SH3BP5: variants seen among roughly 807,000 people sequenced by gnomAD.
SH3BP5 encodes SH3 domain binding protein 5, also known as SH3 domain-binding protein 5.
Under a neutral mutation model 43.3 loss-of-function variants are expected in SH3BP5, and 22 were observed. The ratio of observed to expected loss-of-function variants is 0.51; its 90% CI spans 0.36 to 0.73. The LOEUF is 0.73. SH3BP5 is among the 30% of genes least tolerant of loss of function. SH3BP5 has a pLI of 0.00. For synonymous variants in SH3BP5, 255 were observed against 225.8 expected (o/e 1.13, Z -1.16); for missense variants, 529 against 586.9 (o/e 0.90, Z 1.02).
rs763185399 is a variant in SH3BP5, at chr3:15,258,858, T to C, written c.862A>G (p.Ser288Gly). 2 of 1,614,144 alleles carry C rather than the reference T, an allele frequency of 1.2e-6. No individual in the cohort carries two copies. Among genetic ancestry groups the C allele is most frequent in the Non-Finnish European group, 1.7e-6 (2 of 1,180,034 alleles). Residue 288 changes from serine to glycine, a missense_variant, in exon 7 of 9, where the codon AGC becomes GGC. Ser to Gly is a moderately conservative substitution (Grantham distance 56). Coordinates refer to ENST00000383791, the MANE Select transcript of SH3BP5 (RefSeq NM_004844.5). The stretch of plus-strand genomic sequence containing the variant: ...GAAATGGCATCAGGCTCAGGTTTGC[T>C]CCCTGGCAGATCCTCCACAGATGTG... ...SSTSVEDLPG[S>G]KPEPDAISVA...
At chr3:15,292,152 C>T (rs1291489661) in intron 3 of SH3BP5, among the ~76,000 whole-genome samples, 1 of 152,198 alleles carries the variant, frequency 6.6e-6, no homozygotes, top group Non-Finnish European at 1.5e-5. Context: ...GGGGAAGGGG[C>T]TATCCATGTC....
rs141765373 is a variant in SH3BP5, at chr3:15,306,079, G to A, written c.202-1848C>T. ...TAAAAAAAAAAGAGAAATGGCAGCC[G>A]GGCACCATGGCTCATGCCTGTAATC... On this transcript the variant is annotated intron_variant, in intron 2 of 8. Coordinates refer to ENST00000383791, the MANE Select transcript of SH3BP5 (RefSeq NM_004844.5). 7.8e-3 allele frequency among the ~76,000 whole-genome samples: 788 copies of A among 100,950 alleles called. 12 individuals are homozygous for A. The highest frequency in any genetic ancestry group is 0.03 in the African/African-American group (742 of 24,640). 66.2% of individuals were successfully genotyped at this position (100,950 alleles called of 152,430 possible). A position where few individuals can be genotyped will look rare whatever the true frequency, so the allele number is the denominator to read the frequency against.
intron 2 of SH3BP5, among the ~76,000 whole-genome samples, chr3:15,314,570 G>A (rs1436231712): frequency 1.3e-5 from 2 of 152,214 alleles, no homozygotes; most frequent in African/African-American, 4.8e-5. Flanking sequence ...CCAGGAAGAA[G>A]CAGAGGTAGA....
intron 3 of SH3BP5, among the ~76,000 whole-genome samples, chr3:15,292,489 C>T (rs368743719): frequency 2.0e-5 from 3 of 152,196 alleles, no homozygotes; most frequent in Admixed American, 6.5e-5. Flanking sequence ...CAGTCCCCCA[C>T]GCGGACTTCC....
intron 1 of SH3BP5, among the ~76,000 whole-genome samples, chr3:15,340,881 C>T (rs912891778): frequency 2.6e-5 from 4 of 151,966 alleles, no homozygotes; most frequent in Admixed American, 6.6e-5. Flanking sequence ...GGAGAAACCT[C>T]GTCTTTACTA....
chr3:15,266,217 G>C (rs929627341), intron 4 of SH3BP5, among the ~76,000 whole-genome samples: 1 of 152,182 alleles, frequency 6.6e-6, no homozygotes, highest in African/African-American at 2.4e-5. Flanking sequence ...TGCGTCCTTG[G>C]GCAATGAGAC....
Position 15,269,717 on chromosome 3 carries a change from T to C in SH3BP5, c.491A>G (p.Gln164Arg), listed in dbSNP as rs777345401. ...AWQEMLNHAT[Q>R]RVMEAEQTKT... Reference sequence around the variant, plus strand: ...ACACCCGGCCATGACTCATACCCTCTGAGTGGCGTGATTCAGCATCTCCTG... The same window carrying C: ...ACACCCGGCCATGACTCATACCCTCCGAGTGGCGTGATTCAGCATCTCCTG... Residue 164 changes from glutamine (Q) to arginine (R), a missense_variant, in exon 4 of 9, where the codon CAG becomes CGG. Gln to Arg is a conservative substitution (Grantham distance 43, BLOSUM62 1). Transcript: ENST00000383791. The C allele has an allele frequency of 5.6e-6, 9 of 1,595,072 alleles. No homozygotes were observed. Among genetic ancestry groups the C allele is most frequent in the Non-Finnish European group, 6.8e-6 (8 of 1,168,954 alleles).
chr3:15,333,646 T>G (rs1698665369), upstream of SH3BP5, among the ~76,000 whole-genome samples: 1 of 152,094 alleles, frequency 6.6e-6, no homozygotes, highest in Admixed American at 6.6e-5. Context: ...CTCAAATGAA[T>G]AAATAGTCCT....
At chr3:15,315,768 C>G (rs1304851524) in intron 2 of SH3BP5, among the ~76,000 whole-genome samples, 1 of 152,154 alleles carries the variant, frequency 6.6e-6, no homozygotes, top group Admixed American at 6.5e-5. Flanking sequence ...ATTCCATAAC[C>G]AAAGGGAAGT....
chr3:15,311,773 A>C (rs1234629708), intron 2 of SH3BP5, among the ~76,000 whole-genome samples: 1 of 152,058 alleles, frequency 6.6e-6, no homozygotes, highest in East Asian at 1.9e-4. Context: ...TCCTGGGCTC[A>C]AGCAATGCCC....
chr3:15,332,618 G>T (rs1698646026), upstream of SH3BP5: 2 of 1,184,738 alleles, frequency 1.7e-6, no homozygotes, highest in South Asian at 8.2e-5. Context: ...TTTCTGCCGC[G>T]GCAGTCAGCG....
intron 1 of SH3BP5, among the ~76,000 whole-genome samples, chr3:15,339,222 A>G (rs895942288): frequency 1.3e-5 from 2 of 152,094 alleles, no homozygotes; most frequent in African/African-American, 4.8e-5. Context: ...TTGTCTTCCA[A>G]TGTGGCCACT....
chr3:15,267,565 G>C (rs944250996), intron 4 of SH3BP5, among the ~76,000 whole-genome samples: 2 of 152,142 alleles, frequency 1.3e-5, no homozygotes, highest in African/African-American at 4.8e-5. Context: ...AAACCAAATG[G>C]GCCCTTCCCT....
upstream of SH3BP5, among the ~76,000 whole-genome samples, chr3:15,333,431 C>T (rs1009017378): frequency 3.9e-5 from 6 of 152,202 alleles, no homozygotes; most frequent in Non-Finnish European, 7.3e-5. Context: ...GCCTGTAGCC[C>T]ATCGGCTCTG....
intron 3 of SH3BP5, among the ~76,000 whole-genome samples, chr3:15,293,622 T>A (rs751674019): frequency 6.6e-6 from 1 of 152,162 alleles, no homozygotes; most frequent in African/African-American, 2.4e-5. Flanking sequence ...TGTGCCAGAG[T>A]GTCTTTCAGA....
intron 3 of SH3BP5, among the ~76,000 whole-genome samples, chr3:15,302,757 T>A (rs949769377): frequency 1.3e-5 from 2 of 152,136 alleles, no homozygotes; most frequent in African/African-American, 4.8e-5. Context: ...ACTGTGCACA[T>A]ACACAGTAGG....
rs1696176590 is a variant in SH3BP5 at position 15,255,893 on chromosome 3, T to G, written c.*193A>C. 1 of 592,972 alleles carries G rather than the reference T, an allele frequency of 1.7e-6. No homozygotes were observed. The allele number at this position is 592,972 out of a possible 1,614,324, so 36.7% of individuals were successfully genotyped here. On this transcript the variant is annotated 3_prime_UTR_variant, in exon 9 of 9. Coordinates refer to ENST00000383791, the MANE Select transcript of SH3BP5 (RefSeq NM_004844.5). ...GTCACAGTCTACCCACAACAAGAACTCTGCTCTGAAAAACCAGCCCAAGAG... is the reference window on the plus strand; with the variant it reads ...GTCACAGTCTACCCACAACAAGAACGCTGCTCTGAAAAACCAGCCCAAGAG...
intron 3 of SH3BP5, among the ~76,000 whole-genome samples, chr3:15,273,628 C>A (rs1423124708): frequency 1.3e-5 from 2 of 152,208 alleles, no homozygotes; most frequent in Non-Finnish European, 2.9e-5. Context: ...CATGCACTTA[C>A]CGGTTCATTC....
At chr3:15,329,194 A>G (rs1312587957) in intron 2 of SH3BP5, among the ~76,000 whole-genome samples, 1 of 152,184 alleles carries the variant, frequency 6.6e-6, no homozygotes, top group Non-Finnish European at 1.5e-5. Context: ...CATACGTTGC[A>G]CATGGCTACC....
Sources: gnomAD v4.1 joint callset for allele counts (sites outside exome capture counted in the v4.1 genomes callset) on GRCh38, gnomAD v4.1.1 for gene constraint, MANE v1.5 for transcripts, NCBI Gene and HGNC (gene_info 2026-07-23, HGNC 2026-07-21) for gene names.